CDCA7: variants seen among roughly 807,000 people sequenced by gnomAD.
CDCA7 encodes the protein cell division cycle-associated protein 7.
A neutral mutation model predicts 54.0 loss-of-function variants in CDCA7; 28 were observed. The ratio of observed to expected loss-of-function variants is 0.52; its 90% CI spans 0.38 to 0.71. CDCA7 has a LOEUF of 0.71. CDCA7 is among the 30% of genes least tolerant of loss of function. CDCA7 has a pLI of 0.00. For synonymous variants in CDCA7, 180 were observed against 208.2 expected (o/e 0.86, Z 1.16); for missense variants, 484 against 586.0 (o/e 0.83, Z 1.80).
At chr2:173,361,924 C>G (rs1686629859) in intron 3 of CDCA7, among the ~76,000 whole-genome samples, 1 of 152,056 alleles carries the variant, frequency 6.6e-6, no homozygotes, top group Non-Finnish European at 1.5e-5. Flanking sequence ...TCAAGCGATT[C>G]TCTTGCCTCA....
chr2:173,368,713 A>G lies in CDCA7; in HGVS notation c.*1049A>G, dbSNP rs1686767605. 1 of 152,164 alleles carries G rather than the reference A, an allele frequency of 6.6e-6. No homozygotes were observed. Among genetic ancestry groups the G allele is most frequent in the South Asian group, 2.1e-4 (1 of 4,834 alleles). 9.4% of individuals were successfully genotyped at this position (152,164 alleles called of 1,614,324 possible). On this transcript the variant is annotated 3_prime_UTR_variant, in exon 10 of 10. Coordinates refer to ENST00000306721, the MANE Select transcript of CDCA7 (RefSeq NM_031942.5). ...TGTCAGTATTCCCCCTCCTCTTTGC[A>G]TTAATCAAGGTATTTGGTAGAGGTG...
chr2:173,363,867 G>A lies in CDCA7; in HGVS notation c.671G>A (p.Gly224Glu). 1 of 1,614,198 alleles carries A rather than the reference G, an allele frequency of 6.2e-7. No individual in the cohort carries two copies. Among genetic ancestry groups the A allele is most frequent in the Non-Finnish European group, 8.5e-7 (1 of 1,180,042 alleles). The change falls in exon 5 of 10, where the codon GGA (glycine) becomes GAA (glutamate). Residue 224 changes from glycine (G) to glutamate (E), a missense_variant. Around this residue, in one of 3 missense-constraint regions of CDCA7, gnomAD observed 398 missense variants for 447.4 expected, o/e 0.89. Coordinates refer to ENST00000306721, the MANE Select transcript of CDCA7 (RefSeq NM_031942.5). Reference protein sequence around the residue: ...ELESFPGSFRGRHPLPGSDSQ... With the variant: ...ELESFPGSFRERHPLPGSDSQ... ...GAAAGCTTCCCTGGCTCGTTCCGTG[G>A]AAGACATCCCCTCCCAGGCTCCGAC...
At chr2:173,365,377 T>C in intron 6 of CDCA7, 75 bp from the exon 7 acceptor site, 1 of 1,486,290 alleles carries the variant, frequency 6.7e-7, no homozygotes, top group Admixed American at 2.0e-5. Context: ...CATATTTGAA[T>C]CTGTTTTTTC....
intron 7 of CDCA7, among the ~76,000 whole-genome samples, chr2:173,365,970 C>T (rs6743216): frequency 0.84 from 127,116 of 152,174 alleles, 53,244 homozygotes; most frequent in East Asian, 0.98. Context: ...AAAGGGAAAG[C>T]GGTTTTACCA....
In CDCA7 at chr2:173,366,815, G is replaced by A. The variant is rs1332468050; in HGVS notation, c.1186-335G>A. Among the ~76,000 whole-genome samples the A allele has an allele frequency of 6.6e-6, 1 of 152,116 alleles. No homozygotes were observed. Among genetic ancestry groups the A allele is most frequent in the African/African-American group, 2.4e-5 (1 of 41,410 alleles). On this transcript the variant is annotated intron_variant, in intron 8 of 9. Coordinates refer to ENST00000306721, the MANE Select transcript of CDCA7 (RefSeq NM_031942.5). This position sits in a 1 kb window ranked among gnomAD's most constrained non-coding sequence, Gnocchi z 4.5. ...CCCGCCTCGGCCTCCTGAAGTGCTG[G>A]GATTACAGGTGTGAGCCACCACGCC...
intron 3 of CDCA7, among the ~76,000 whole-genome samples, chr2:173,362,621 C>CTCT (rs1686643065): frequency 6.6e-6 from 1 of 151,294 alleles, no homozygotes; most frequent in Admixed American, 6.6e-5. Flanking sequence ...GTAACCCAGC[C>CTCT]CTGGCATACA....
rs755933689 is a variant in CDCA7 at position 173,358,711 on chromosome 2, G to A, written c.22-1G>A. On this transcript the variant is annotated splice_acceptor_variant, in intron 1 of 9. Transcript: ENST00000306721. LOFTEE classifies it high-confidence loss of function. ...AATAGGATTGCTATTTCCATTTGCAGCAGAAAGATCTCAGAGTAAAGAAGA... is the reference window on the plus strand; with the variant it reads ...AATAGGATTGCTATTTCCATTTGCAACAGAAAGATCTCAGAGTAAAGAAGA... 5.6e-6 allele frequency: 9 copies of A among 1,611,978 alleles called. No individual in the cohort carries two copies. The Admixed American group carries it at 1.5e-4, about 27-fold the overall frequency.
chr2:173,356,652 G>A (rs975543421), intron 1 of CDCA7, among the ~76,000 whole-genome samples: 2 of 152,148 alleles, frequency 1.3e-5, no homozygotes, highest in Non-Finnish European at 2.9e-5. Context: ...TTACATGTAC[G>A]CACCGCCACA....
intron 8 of CDCA7, 119 bp from the exon 9 acceptor site, chr2:173,367,031 C>T: frequency 7.5e-7 from 1 of 1,337,614 alleles, no homozygotes; most frequent in East Asian, 2.3e-5. Flanking sequence ...TTAGGCATGA[C>T]TAATGCCTAT....
intron 7 of CDCA7, 30 bp downstream of exon 7, chr2:173,365,622 G>A: frequency 1.2e-6 from 2 of 1,609,114 alleles, no homozygotes; most frequent in Non-Finnish European, 1.7e-6. Flanking sequence ...ACCTGAGAAT[G>A]TAAACATCTG....
chr2:173,365,574 G>C lies in CDCA7; in HGVS notation c.1017G>C (p.Lys339Asn). 1 of 1,614,102 alleles carries C rather than the reference G, an allele frequency of 6.2e-7. No individual in the cohort carries two copies. Residue 339 changes from lysine (K) to asparagine (N), a missense_variant, in exon 7 of 10, where the codon AAG becomes AAC. Physicochemically the swap from Lys to Asn is moderately conservative, Grantham distance 94. Transcript: ENST00000306721. ...ACGTCTGCAGCAATTCTCGAGAGAA[G>C]ATATATAACCGTTCACTGGTGAGAG... ...LENVCSNSRE[K>N]IYNRSLGSTC...
chr2:173,363,248 G>A lies in CDCA7; in HGVS notation c.407G>A (p.Gly136Asp). 6.2e-7 allele frequency: 1 copy of A among 1,614,150 alleles called. No individual in the cohort carries two copies. The highest frequency in any genetic ancestry group is 1.1e-5 in the South Asian group (1 of 91,074). Residue 136 changes from glycine (G) to aspartate (D), a missense_variant, in exon 4 of 10, where the codon GGC becomes GAC. By Grantham distance (94) the Gly-to-Asp change is moderately conservative (BLOSUM62 -1). Around this residue, in one of 3 missense-constraint regions of CDCA7, gnomAD observed 398 missense variants for 447.4 expected, o/e 0.89. Coordinates refer to ENST00000306721, the MANE Select transcript of CDCA7 (RefSeq NM_031942.5). ...TAGAGGCTGCAGTCAGTTCGGGAAG[G>A]CTGTAGGACCCGCAGCCAGTGCAGG... ...DGMRLQSVRE[G>D]CRTRSQCRHS... is the part of the protein sequence containing the mutation.
In CDCA7 at chr2:173,367,152, C is replaced by T; in HGVS notation, c.1188C>T (p.Asn396=). 6.3e-7 allele frequency: 1 copy of T among 1,583,434 alleles called. No individual in the cohort carries two copies. Among genetic ancestry groups the T allele is most frequent in the Non-Finnish European group, 8.6e-7 (1 of 1,166,996 alleles). The change falls in exon 9 of 10, where the codon AAC becomes AAT. Residue 396 remains asparagine (N), a splice_region_variant and synonymous_variant. Transcript: ENST00000306721. ...GCCGTTTGACAATCCTCCTTCAGAACTGGCATTGCCCGCCTTGTCGAGGAA... is the reference window on the plus strand; with the variant it reads ...GCCGTTTGACAATCCTCCTTCAGAATTGGCATTGCCCGCCTTGTCGAGGAA... The part of the protein sequence containing the change: ...EEVRDALLDP[N]WHCPPCRGIC...
intron 9 of CDCA7, 32 bp from the exon 10 acceptor site, chr2:173,367,602 T>C (rs757109283): frequency 6.2e-7 from 1 of 1,613,082 alleles, no homozygotes; most frequent in Non-Finnish European, 8.5e-7. Flanking sequence ...TTGAAAACTA[T>C]GTCCTGACAC....
In CDCA7 at chr2:173,364,888, C is replaced by G. The variant is rs373468351; in HGVS notation, c.793C>G (p.Arg265Gly). 1 of 1,610,072 alleles carries G rather than the reference C, an allele frequency of 6.2e-7. No individual in the cohort carries two copies. ...TCGTCCTCTTACCAGGTCAAGGTCC[C>G]GGATCCTCGGGTCCCTTGACGCTCT... ...RARPLTRSRS[R>G]ILGSLDALPM... The change falls in exon 6 of 10, where the codon CGG becomes GGG. Residue 265 changes from arginine to glycine, a missense_variant. Arg to Gly is a moderately radical substitution (Grantham distance 125). Around this residue, in one of 3 missense-constraint regions of CDCA7, gnomAD observed 398 missense variants for 447.4 expected, o/e 0.89. Coordinates refer to ENST00000306721, the MANE Select transcript of CDCA7 (RefSeq NM_031942.5).
intron 8 of CDCA7, 139 bp from the exon 9 acceptor site, chr2:173,367,010 AT>A: frequency 8.2e-7 from 1 of 1,214,272 alleles, no homozygotes; most frequent in East Asian, 2.4e-5. Flanking sequence ...AGCATTAGGC[AT>A]TAGGAAACAT....
intron 1 of CDCA7, among the ~76,000 whole-genome samples, chr2:173,356,408 C>G (rs887390219): frequency 1.3e-5 from 2 of 152,210 alleles, no homozygotes; most frequent in Non-Finnish European, 2.9e-5. Flanking sequence ...GCGATGAACA[C>G]TGCTGCTTAA....
At chr2:173,364,216 CA>C (rs1574219806) in intron 5 of CDCA7, 2 of 231,266 alleles carry the variant, frequency 8.6e-6, no homozygotes, top group East Asian at 1.9e-4. Context: ...ATTCCTCCTA[CA>C]TGGTAGATGT....
intron 1 of CDCA7, among the ~76,000 whole-genome samples, chr2:173,358,199 CAAAAAAA>C (rs369867435): frequency 9.3e-6 from 1 of 107,288 alleles, no homozygotes; most frequent in Non-Finnish European, 1.8e-5. Flanking sequence ...GACTCCGTCT[CAAAAAAA>C]AAAAAAAAAA....
Sources: gnomAD v4.1 joint callset for allele counts (sites outside exome capture counted in the v4.1 genomes callset) on GRCh38, gnomAD v4.1.1 for gene constraint, gnomAD v4.1.1 regional missense constraint, Gnocchi (gnomAD v3.1) non-coding constraint, MANE v1.5 for transcripts, NCBI Gene and HGNC (gene_info 2026-07-23, HGNC 2026-07-21) for gene names.